Variants in BTG3 observed in about 807,000 individuals in gnomAD.
BTG3 encodes protein BTG3.
A neutral mutation model predicts 25.8 loss-of-function variants in BTG3; 4 were observed. That is an observed-to-expected ratio of 0.16 (90% CI 0.08 to 0.36). BTG3 has a LOEUF of 0.36. BTG3 is among the 10% of genes least tolerant of loss of function. BTG3 has a pLI of 1.00. For missense variants in BTG3, 201 were observed against 304.9 expected, an observed-to-expected ratio of 0.66 and a Z score of 2.54; for synonymous variants, 107 against 99.9, an observed-to-expected ratio of 1.07 and a Z score of -0.42.
At position 17,598,647 on chromosome 21, in the gene BTG3, C is replaced by A; in HGVS notation, c.489G>T (p.Ser163=). 1 of 1,614,014 alleles carries A rather than the reference C, an allele frequency of 6.2e-7. No homozygotes were observed. The change falls in exon 4 of 5, where the codon TCG becomes TCT. Residue 163 remains serine (S), a synonymous_variant. Coordinates refer to ENST00000348354, the MANE Select transcript of BTG3 (RefSeq NM_006806.5). ...TSKEMEVKPS[S]VTAAASPVYQ... ...ACACAGGACTTGCGGCTGCAGTCAC[C>A]GAACTGGGTTTCACTTCCATTTCCT...
chr21:17,598,689 TGAA>T lies in BTG3; in HGVS notation c.444_446del (p.Ser149del), dbSNP rs1274447189. 3 of 1,614,178 alleles carry T rather than the reference TGAA, an allele frequency of 1.9e-6. No individual in the cohort carries two copies. The highest frequency in any genetic ancestry group is 1.7e-5 in the Admixed American group (1 of 60,018). On this transcript the variant is annotated inframe_deletion, in exon 4 of 5. Coordinates refer to ENST00000348354, the MANE Select transcript of BTG3 (RefSeq NM_006806.5). The stretch of plus-strand genomic sequence containing the variant: ...CCATTTCCTTACTTGTTTCTTCATC[TGAA>T]GAAGAGGATCCTGAATGATAATCAG...
At chr21:17,608,812 T>C in intron 2 of BTG3, 160 bp downstream of exon 2, 1 of 668,434 alleles carries the variant, frequency 1.5e-6, no homozygotes, top group Non-Finnish European at 2.3e-6. Context: ...AACAAATACT[T>C]GTTTTAAAAT....
chr21:17,609,734 C>A (rs1030175021), intron 1 of BTG3, among the ~76,000 whole-genome samples: 6 of 152,134 alleles, frequency 3.9e-5, no homozygotes, highest in Non-Finnish European at 8.8e-5. Flanking sequence ...TAGCAGTATT[C>A]ATAATAGCTA....
At chr21:17,610,394 G>C (rs1158515195) in intron 1 of BTG3, among the ~76,000 whole-genome samples, 1 of 151,898 alleles carries the variant, frequency 6.6e-6, no homozygotes, top group African/African-American at 2.4e-5. Context: ...TACTCTTTCA[G>C]GAAGAGAGAT....
rs74551120 is a variant in BTG3, at chr21:17,610,401, A to G, written c.-8-1249T>C. 4.5e-3 allele frequency among the ~76,000 whole-genome samples: 680 copies of G among 152,358 alleles called. 24 individuals are homozygous for G. The East Asian group carries it at 0.08, about 18-fold the overall frequency. On this transcript the variant is annotated intron_variant, in intron 1 of 4. Transcript: ENST00000348354. ...TCCGAAAGTACTCTTTCAGGAAGAGAGATACATTTATCCACAAGTTAAGAG... is the reference window on the plus strand; with the variant it reads ...TCCGAAAGTACTCTTTCAGGAAGAGGGATACATTTATCCACAAGTTAAGAG...
intron 4 of BTG3, among the ~76,000 whole-genome samples, chr21:17,595,250 T>A (rs1395187224): frequency 6.7e-6 from 1 of 149,862 alleles, no homozygotes; most frequent in Non-Finnish European, 1.5e-5. Flanking sequence ...ATGCCACATC[T>A]TCTTAAATTT....
intron 1 of BTG3, among the ~76,000 whole-genome samples, chr21:17,610,861 T>C (rs2061711418): frequency 6.6e-6 from 1 of 152,248 alleles, no homozygotes; most frequent in Admixed American, 6.5e-5. Flanking sequence ...TCAGTCTCTC[T>C]TCAGAATATG....
At chr21:17,611,040 T>C (rs1462911222) in intron 1 of BTG3, among the ~76,000 whole-genome samples, 1 of 148,358 alleles carries the variant, frequency 6.7e-6, no homozygotes, top group Admixed American at 6.6e-5. Flanking sequence ...TACAGCCAGC[T>C]AGCAGGCACC....
At chr21:17,608,865 T>C in intron 2 of BTG3, 107 bp downstream of exon 2, 1 of 1,063,204 alleles carries the variant, frequency 9.4e-7, no homozygotes, top group Non-Finnish European at 1.3e-6. Context: ...TTCTATATTT[T>C]GCAGATGAAA....
intron 3 of BTG3, 57 bp downstream of exon 3, chr21:17,604,803 G>T: frequency 6.4e-7 from 1 of 1,572,486 alleles, no homozygotes; most frequent in Non-Finnish European, 8.6e-7. Flanking sequence ...ATGACAGAAT[G>T]TCATAAAATT....
intron 3 of BTG3, among the ~76,000 whole-genome samples, chr21:17,599,478 T>TC (rs1412298427): frequency 6.8e-6 from 1 of 146,890 alleles, no homozygotes; most frequent in African/African-American, 2.6e-5. Context: ...CTGGCTGATT[T>TC]TTTTTTTTTT....
Position 17,598,600 on chromosome 21 carries a change from G to A in BTG3, c.519+17C>T. On this transcript the variant is annotated intron_variant, in intron 4 of 4. Transcript: ENST00000348354. ...TCCCTGCACATCCCTTTAAAACTGA[G>A]CTGTTTTCATGGTTACCTGGTACAC... is the stretch of plus-strand genomic sequence containing the variant. 6.2e-7 allele frequency: 1 copy of A among 1,607,904 alleles called. No individual in the cohort carries two copies. Among genetic ancestry groups the A allele is most frequent in the Non-Finnish European group, 8.5e-7 (1 of 1,174,860 alleles).
chr21:17,608,078 G>A (rs1445371044), intron 2 of BTG3, among the ~76,000 whole-genome samples: 1 of 152,198 alleles, frequency 6.6e-6, no homozygotes, highest in Non-Finnish European at 1.5e-5. Flanking sequence ...TCAAATCCCA[G>A]AACCTTGGCC....
chr21:17,601,259 A>G (rs1485981045), intron 3 of BTG3, among the ~76,000 whole-genome samples: 3 of 152,190 alleles, frequency 2.0e-5, no homozygotes, highest in African/African-American at 7.2e-5. Flanking sequence ...ACCAGAGGCA[A>G]GTCACTTAAT....
intron 2 of BTG3, chr21:17,605,215 A>G: frequency 2.1e-6 from 1 of 467,650 alleles, no homozygotes; most frequent in South Asian, 3.1e-5. Flanking sequence ...GCCCAAGGAA[A>G]TCACTAGTAC....
At chr21:17,600,605 G>T (rs1240143983) in intron 3 of BTG3, among the ~76,000 whole-genome samples, 1 of 152,054 alleles carries the variant, frequency 6.6e-6, no homozygotes, top group Non-Finnish European at 1.5e-5. Flanking sequence ...CAGACTGCTT[G>T]AGCCCAGGAA....
rs2061534959 is a variant in BTG3, at chr21:17,598,708, T to C, written c.428A>G (p.His143Arg). The C allele has an allele frequency of 6.2e-7, 1 of 1,614,152 alleles. No homozygotes were observed. Among genetic ancestry groups the C allele is most frequent in the Non-Finnish European group, 8.5e-7 (1 of 1,179,994 alleles). ...RALDKVTSDY[H>R]SGSSSSDEET... ...TTCATCTGAAGAAGAGGATCCTGAA[T>C]GATAATCAGAGGTAACCTTATCAAG... Residue 143 changes from histidine to arginine, a missense_variant, in exon 4 of 5, where the codon CAT (histidine) becomes CGT (arginine). This residue lies in a region of BTG3 where 70 missense variants were observed against 175.7 expected (regional missense o/e 0.40). Transcript: ENST00000348354.
Position 17,594,036 on chromosome 21 carries a change from T to TA in BTG3, c.*56dup, listed in dbSNP as rs1490959202. Reference sequence around the variant, plus strand: ...GTAAGAACTTTTAACTTTTAATGTGTAGTAAGGTTTATTCTACCTTTTTCT... The same window carrying TA: ...GTAAGAACTTTTAACTTTTAATGTGTAAGTAAGGTTTATTCTACCTTTTTCT... On this transcript the variant is annotated 3_prime_UTR_variant, in exon 5 of 5. Transcript: ENST00000348354. 6.4e-7 allele frequency: 1 copy of TA among 1,573,644 alleles called. No individual in the cohort carries two copies. The highest frequency in any genetic ancestry group is 8.6e-7 in the Non-Finnish European group (1 of 1,159,944).
intron 4 of BTG3, among the ~76,000 whole-genome samples, chr21:17,595,498 C>T (rs2061493215): frequency 6.6e-6 from 1 of 151,858 alleles, no homozygotes; most frequent in South Asian, 2.1e-4. Context: ...CACATCTATA[C>T]ACACTTTAAA....
Sources: allele counts gnomAD v4.1 joint callset (sites outside exome capture counted in the v4.1 genomes callset), GRCh38; gene constraint gnomAD v4.1.1; regional missense constraint gnomAD v4.1.1; transcripts MANE v1.5; gene names NCBI Gene and HGNC (gene_info 2026-07-23, HGNC 2026-07-21).